Variants in CCDC171 observed in about 807,000 individuals in gnomAD.
CCDC171 encodes coiled-coil domain containing 171, also known as coiled-coil domain-containing protein 171.
CCDC171 carries 177 observed loss-of-function variants against 168.2 expected under a neutral mutation model. That is an observed-to-expected ratio of 1.05 (90% confidence interval 0.93 to 1.19). The LOEUF is 1.19. Among genes scored for constraint, CCDC171 ranks in the 50% most tolerant of loss-of-function variants. The pLI is 0.00. For synonymous variants in CCDC171, 687 were observed against 540.8 expected (o/e 1.27, Z -3.75); for missense variants, 1,991 against 1,539.0 (o/e 1.29, Z -4.91).
chr9:15,682,094 C>T (rs368135549), intron 10 of CCDC171, among the ~76,000 whole-genome samples: 120 of 152,086 alleles, frequency 7.9e-4, no homozygotes, highest in African/African-American at 2.7e-3. Context: ...TTCTCTGTTA[C>T]ATTGGAAAAG....
rs138989790 is a variant in CCDC171 at position 15,675,187 on chromosome 9, G to GTTTTTTTTTTTTTTTTTTTT, written c.1077-3569_1077-3550dup. On this transcript the variant is annotated intron_variant, in intron 9 of 25. Transcript: ENST00000380701. ...ATCAGAGACTAGGATTGCAACTCCTGTTTTTTTTTTTTTTTTTTTTTGCTT... is the reference window on the plus strand; with the variant it reads ...ATCAGAGACTAGGATTGCAACTCCTGTTTTTTTTTTTTTTTTTTTTTTTTTTTTTTTTTTTTTTTTTGCTT... 4.1e-4 allele frequency among the ~76,000 whole-genome samples: 31 copies of GTTTTTTTTTTTTTTTTTTTT among 75,540 alleles called. 1 individual carries two copies. Among genetic ancestry groups the GTTTTTTTTTTTTTTTTTTTT allele is most frequent in the Non-Finnish European group, 5.4e-4 (24 of 44,180 alleles). The allele number at this position is 75,540 out of a possible 152,430, so 49.6% of individuals were successfully genotyped here. A position where few individuals can be genotyped will look rare whatever the true frequency, so the allele number is the denominator to read the frequency against.
the CCDC171 span, among the ~76,000 whole-genome samples, chr9:16,068,009 G>A: frequency 6.6e-6 from 1 of 151,590 alleles, no homozygotes; most frequent in South Asian, 2.1e-4. Flanking sequence ...AAAAGGGGAA[G>A]TCAAATTGTC....
chr9:15,937,361 A>C (rs916504227), intron 25 of CCDC171, among the ~76,000 whole-genome samples: 1 of 151,930 alleles, frequency 6.6e-6, no homozygotes, highest in African/African-American at 2.4e-5. Context: ...AATATAAGTA[A>C]ATTTTTTCAT....
chr9:15,870,971 T>G (rs2062014540), intron 23 of CCDC171, among the ~76,000 whole-genome samples: 1 of 151,372 alleles, frequency 6.6e-6, no homozygotes, highest in Non-Finnish European at 1.5e-5. Context: ...TAAATATATT[T>G]CATGGAACTG....
At chr9:15,624,497 G>A (rs1255466820) in intron 7 of CCDC171, among the ~76,000 whole-genome samples, 2 of 151,774 alleles carry the variant, frequency 1.3e-5, no homozygotes, top group Non-Finnish European at 2.9e-5. Context: ...GGTGTGTGAT[G>A]TTCCCCATCC....
chr9:16,107,211 A>G, the CCDC171 span, among the ~76,000 whole-genome samples: 1 of 152,078 alleles, frequency 6.6e-6, no homozygotes, highest in African/African-American at 2.4e-5. Context: ...GTGCGGTGGT[A>G]TGATCATAGC....
intron 8 of CCDC171, among the ~76,000 whole-genome samples, chr9:15,657,917 C>CT (rs2048059658): frequency 6.6e-6 from 1 of 152,192 alleles, no homozygotes; most frequent in Admixed American, 6.5e-5. Context: ...GGTTGGCACA[C>CT]TACTGCCCAT....
intron 6 of CCDC171, among the ~76,000 whole-genome samples, chr9:16,034,198 C>A (rs1348772292): frequency 1.3e-5 from 2 of 152,170 alleles, no homozygotes; most frequent in Non-Finnish European, 2.9e-5. Flanking sequence ...TTTGGGTTGC[C>A]GCAGAGCCCT....
Position 15,579,019 on chromosome 9 carries a change from CTG to C in CCDC171, c.351_352del (p.Ala118ThrfsTer11), listed in dbSNP as rs754321659. Reference sequence around the variant, plus strand: ...AGGCACATAGGATCCAAGAAAAACTCTGTGGTAAGACTGTTTCTATTTCTTCC... The same window carrying C: ...AGGCACATAGGATCCAAGAAAAACTCTGGTAAGACTGTTTCTATTTCTTCC... The part of the protein sequence containing the change: ...AEAHRIQEKL[C>X]AQNSELQAKT... On this transcript the variant is annotated frameshift_variant and splice_region_variant, in exon 4 of 26. Coordinates refer to ENST00000380701, the MANE Select transcript of CCDC171 (RefSeq NM_173550.4). LOFTEE classifies it high-confidence loss of function. The C allele has an allele frequency of 1.5e-4, 248 of 1,613,038 alleles. No individual in the cohort carries two copies. Among genetic ancestry groups the C allele is most frequent in the Non-Finnish European group, 1.9e-4 (221 of 1,179,348 alleles).
chr9:16,076,589 GCT>G, the CCDC171 span, among the ~76,000 whole-genome samples: 12 of 152,296 alleles, frequency 7.9e-5, no homozygotes, highest in Admixed American at 2.6e-4. Context: ...GCAGCCTTCA[GCT>G]CTCTCCGCCC....
At position 15,693,304 on chromosome 9, in the gene CCDC171, A is replaced by G. The variant is rs535402681; in HGVS notation, c.1216-1931A>G. Reference sequence around the variant, plus strand: ...CCCTTTTTGTTTTTAGCTGAACAAGATAACTTAGATATGTTTTCATTGATG... The same window carrying G: ...CCCTTTTTGTTTTTAGCTGAACAAGGTAACTTAGATATGTTTTCATTGATG... On this transcript the variant is annotated intron_variant, in intron 10 of 25. Coordinates refer to ENST00000380701, the MANE Select transcript of CCDC171 (RefSeq NM_173550.4). Among the ~76,000 whole-genome samples the G allele has an allele frequency of 3.9e-4, 60 of 152,312 alleles. 1 individual carries two copies. The highest frequency in any genetic ancestry group is 1.4e-3 in the African/African-American group (59 of 41,572).
the CCDC171 span, among the ~76,000 whole-genome samples, chr9:16,104,406 C>A: frequency 6.6e-6 from 1 of 152,154 alleles, no homozygotes; most frequent in Non-Finnish European, 1.5e-5. Context: ...CCCTCTATTT[C>A]TCCCTCTCTG....
In CCDC171 at chr9:15,803,375, GT is replaced by G. The variant is rs966929290; in HGVS notation, c.3267+18690del. On this transcript the variant is annotated intron_variant, in intron 21 of 25. Coordinates refer to ENST00000380701, the MANE Select transcript of CCDC171 (RefSeq NM_173550.4). ...GGTATTGCCTAGTTTTTTTTCTAGG[GT>G]TTTTTTTTGTAGTTTTGTGTTTTAT... Among the ~76,000 whole-genome samples, 9 of 150,594 alleles carry G rather than the reference GT, an allele frequency of 6.0e-5. No individual in the cohort carries two copies. The South Asian group carries it at 6.3e-4, about 11-fold the overall frequency.
chr9:15,818,868 AG>A (rs2059657369), intron 21 of CCDC171, among the ~76,000 whole-genome samples: 1 of 116,832 alleles, frequency 8.6e-6, no homozygotes, highest in African/African-American at 3.2e-5. Context: ...CCTCGAGAAG[AG>A]CAACTCTGAG....
chr9:15,614,540 G>C (rs1014009421), intron 6 of CCDC171, among the ~76,000 whole-genome samples: 10 of 152,152 alleles, frequency 6.6e-5, no homozygotes, highest in Non-Finnish European at 8.8e-5. Flanking sequence ...GATAATTTTT[G>C]CCAGCATTCT....
At chr9:15,690,698 T>G (rs934869204) in intron 10 of CCDC171, among the ~76,000 whole-genome samples, 1 of 149,278 alleles carries the variant, frequency 6.7e-6, no homozygotes, top group Non-Finnish European at 1.5e-5. Flanking sequence ...TAAGAATATA[T>G]TATAGTCAGA....
intron 3 of CCDC171, among the ~76,000 whole-genome samples, chr9:15,578,405 TTG>T: frequency 8.6e-6 from 1 of 116,612 alleles, no homozygotes; most frequent in Non-Finnish European, 1.7e-5. Flanking sequence ...TGGTTAATTT[TTG>T]TATTATTATT....
chr9:15,555,835 TC>T lies in CCDC171; in HGVS notation c.-112+2538del, dbSNP rs1339342396. ...TCTCCTAATGCTATACCTCCCACCTTCCCCCACTCTCTGCCAGGCCCCGGTG... is the reference window on the plus strand; with the variant it reads ...TCTCCTAATGCTATACCTCCCACCTTCCCCACTCTCTGCCAGGCCCCGGTG... On this transcript the variant is annotated intron_variant, in intron 1 of 25. Transcript: ENST00000380701. Among the ~76,000 whole-genome samples the T allele has an allele frequency of 2.0e-5, 3 of 151,982 alleles. No individual in the cohort carries two copies. The East Asian group carries it at 5.8e-4, about 29-fold the overall frequency.
chr9:16,049,001 G>C (rs1219310114), intron 1 of CCDC171, among the ~76,000 whole-genome samples: 3 of 144,600 alleles, frequency 2.1e-5, no homozygotes, highest in African/African-American at 5.1e-5. Flanking sequence ...AATCCCAAAA[G>C]ATCAAAATCC....
Sources: gnomAD v4.1 joint callset for allele counts (sites outside exome capture counted in the v4.1 genomes callset) on GRCh38, gnomAD v4.1.1 for gene constraint, MANE v1.5 for transcripts, NCBI Gene and HGNC (gene_info 2026-07-23, HGNC 2026-07-21) for gene names.